Variants in PRKCA observed in about 807,000 individuals in gnomAD.
The protein encoded by PRKCA is protein kinase C alpha.
A neutral mutation model predicts 87.0 loss-of-function variants in PRKCA; 27 were observed. The ratio of observed to expected loss-of-function variants is 0.31; its 90% CI spans 0.23 to 0.43. PRKCA has a LOEUF of 0.43. PRKCA is among the 20% of genes least tolerant of loss of function. PRKCA has a pLI of 1.00. For missense variants in PRKCA, 518 were observed against 852.3 expected, an observed-to-expected ratio of 0.61 and a Z score of 4.88; for synonymous variants, 329 against 311.1, an observed-to-expected ratio of 1.06 and a Z score of -0.61.
chr17:66,639,568 A>C (rs144028411), intron 3 of PRKCA, among the ~76,000 whole-genome samples: 15,064 of 151,910 alleles, frequency 0.099, 791 homozygotes, highest in Middle Eastern at 0.18. Context: ...TTGTATTTTT[A>C]ATAGAGACAG....
intron 5 of PRKCA, among the ~76,000 whole-genome samples, chr17:66,682,839 GCT>G (rs1972528233): frequency 6.6e-6 from 1 of 152,156 alleles, no homozygotes; most frequent in South Asian, 2.1e-4. Context: ...ACCCAGTATT[GCT>G]CTTAGGCTGT....
intron 8 of PRKCA, among the ~76,000 whole-genome samples, chr17:66,693,034 A>G (rs543421719): frequency 5.1e-4 from 78 of 152,380 alleles, no homozygotes; most frequent in African/African-American, 1.6e-3. Context: ...CAGTTGGATG[A>G]AAGGGAAACC....
At chr17:66,455,846 T>A (rs1914554174) in intron 2 of PRKCA, among the ~76,000 whole-genome samples, 1 of 152,164 alleles carries the variant, frequency 6.6e-6, no homozygotes, top group Admixed American at 6.5e-5. Flanking sequence ...TTGCTCTCTC[T>A]TTTCTGATTT....
intron 8 of PRKCA, 45 bp from the exon 9 acceptor site, chr17:66,732,643 C>T: frequency 5.0e-6 from 8 of 1,612,406 alleles, no homozygotes; most frequent in Non-Finnish European, 6.8e-6. Context: ...CACTCTTTCC[C>T]CAGAAAAATG....
chr17:66,363,737 C>G (rs1010495074), intron 2 of PRKCA, among the ~76,000 whole-genome samples: 1 of 152,208 alleles, frequency 6.6e-6, no homozygotes, highest in Non-Finnish European at 1.5e-5. Flanking sequence ...GAGTCTCACC[C>G]TGTCACCCAG....
In PRKCA at chr17:66,470,854, C is replaced by T. The variant is rs551217624; in HGVS notation, c.206-25347C>T. On this transcript the variant is annotated intron_variant, in intron 2 of 16. Transcript: ENST00000413366. ...GAAAAGTGATCTTCAAATCGGCTTC[C>T]GCCCTTGTAGGCTGATTAGACGACA... Among the ~76,000 whole-genome samples the T allele has an allele frequency of 1.2e-3, 187 of 152,288 alleles. 1 individual carries two copies. Among genetic ancestry groups the T allele is most frequent in the African/African-American group, 3.7e-3 (155 of 41,564 alleles).
intron 3 of PRKCA, among the ~76,000 whole-genome samples, chr17:66,501,450 G>C (rs1469237266): frequency 2.6e-5 from 4 of 152,208 alleles, no homozygotes; most frequent in Non-Finnish European, 4.4e-5. Flanking sequence ...TACACGCTGA[G>C]TAGAGAAGGA....
intron 2 of PRKCA, among the ~76,000 whole-genome samples, chr17:66,438,455 A>C (rs2143861048): frequency 1.3e-5 from 2 of 152,252 alleles, no homozygotes; most frequent in African/African-American, 4.8e-5. Flanking sequence ...CTGGCCATAA[A>C]AAGCTCGAAT....
chr17:66,454,112 C>T (rs1013589238), intron 2 of PRKCA, among the ~76,000 whole-genome samples: 3 of 152,224 alleles, frequency 2.0e-5, no homozygotes, highest in Non-Finnish European at 2.9e-5. Context: ...TGAAATGACT[C>T]AAAATTATAC....
At chr17:66,498,383 T>C (rs1387246458) in intron 3 of PRKCA, among the ~76,000 whole-genome samples, 1 of 152,138 alleles carries the variant, frequency 6.6e-6, no homozygotes, top group African/African-American at 2.4e-5. Context: ...TCTTCTCTTC[T>C]CTCTCCTCCC....
chr17:66,544,853 A>G (rs1968096940), intron 3 of PRKCA, among the ~76,000 whole-genome samples: 1 of 151,992 alleles, frequency 6.6e-6, no homozygotes, highest in Admixed American at 6.5e-5. Context: ...TCGGCCTCCC[A>G]AAGTGCTGGG....
At position 66,809,369 on chromosome 17, in the gene PRKCA, T is replaced by G. The variant is rs1976113187; in HGVS notation, c.*5332T>G. The G allele has an allele frequency of 6.6e-6, 1 of 152,638 alleles. No homozygotes were observed. The highest frequency in any genetic ancestry group is 1.5e-5 in the Non-Finnish European group (1 of 68,022). 9.5% of individuals were successfully genotyped at this position (152,638 alleles called of 1,614,324 possible). The stretch of plus-strand genomic sequence containing the variant: ...CCATCCAACAGCCTTACAGTGACCC[T>G]ACACAAAAGCCCCCAAATTCCAAAG... On this transcript the variant is annotated 3_prime_UTR_variant, in exon 17 of 17. Coordinates refer to ENST00000413366, the MANE Select transcript of PRKCA (RefSeq NM_002737.3).
chr17:66,668,913 GGCAACATA>G (rs1972105397), intron 5 of PRKCA, among the ~76,000 whole-genome samples: 2 of 151,998 alleles, frequency 1.3e-5, no homozygotes, highest in Admixed American at 1.3e-4. Context: ...GACCAGCCTG[GGCAACATA>G]GCAAGTTCTG....
At chr17:66,310,101 A>G (rs147448471) in intron 2 of PRKCA, among the ~76,000 whole-genome samples, 15 of 152,236 alleles carry the variant, frequency 9.9e-5, no homozygotes, top group South Asian at 2.1e-4. Flanking sequence ...GCACTTCTCT[A>G]ATTACAGTGG....
chr17:66,412,158 ACT>A (rs1911850250), intron 2 of PRKCA, among the ~76,000 whole-genome samples: 1 of 151,972 alleles, frequency 6.6e-6, no homozygotes, highest in African/African-American at 2.4e-5. Flanking sequence ...TGCAGCCTTG[ACT>A]TCCTGAGCTC....
intron 2 of PRKCA, among the ~76,000 whole-genome samples, chr17:66,373,464 A>G (rs1419094303): frequency 6.6e-6 from 1 of 152,188 alleles, no homozygotes; most frequent in African/African-American, 2.4e-5. Context: ...CACCTGGGGC[A>G]GTAGCTACAC....
intron 3 of PRKCA, among the ~76,000 whole-genome samples, chr17:66,623,376 A>G (rs1970748458): frequency 6.6e-6 from 1 of 152,190 alleles, no homozygotes; most frequent in African/African-American, 2.4e-5. Flanking sequence ...TTGCAAAGTA[A>G]CTTCATGTAA....
intron 8 of PRKCA, among the ~76,000 whole-genome samples, chr17:66,720,940 C>A (rs1973599283): frequency 6.6e-6 from 1 of 152,018 alleles, no homozygotes; most frequent in African/African-American, 2.4e-5. Flanking sequence ...GACATATTTA[C>A]AAAATAGGTG....
chr17:66,551,936 G>A lies in PRKCA; in HGVS notation c.288+55653G>A, dbSNP rs536722970. Reference sequence around the variant, plus strand: ...GTTATTTTATAAAACCCTGGGCCATGAGGTTTCTTTAAATGCCAAATACTA... The same window carrying A: ...GTTATTTTATAAAACCCTGGGCCATAAGGTTTCTTTAAATGCCAAATACTA... On this transcript the variant is annotated intron_variant, in intron 3 of 16. Transcript: ENST00000413366. Among the ~76,000 whole-genome samples the A allele has an allele frequency of 8.5e-5, 13 of 152,274 alleles. No individual in the cohort carries two copies. The South Asian group carries it at 2.7e-3, about 32-fold the overall frequency.
Sources: gnomAD v4.1 joint callset for allele counts (sites outside exome capture counted in the v4.1 genomes callset) on GRCh38, gnomAD v4.1.1 for gene constraint, MANE v1.5 for transcripts, NCBI Gene and HGNC (gene_info 2026-07-23, HGNC 2026-07-21) for gene names.